COL24A1: variants seen among roughly 807,000 people sequenced by gnomAD.
The protein encoded by COL24A1 is collagen type XXIV alpha 1 chain, also known as collagen alpha-1(XXIV) chain.
In COL24A1, 224 loss-of-function variants were observed where a neutral mutation model predicts 253.9. That is an observed-to-expected ratio of 0.88 (90% CI 0.79 to 0.99). The LOEUF (loss-of-function observed/expected upper bound fraction) is 0.99, where lower values mean the gene tolerates loss of function less well. COL24A1 is among the 50% of genes least tolerant of loss of function. COL24A1 has a pLI of 0.00. For missense variants in COL24A1, 2,131 were observed against 2,068.5 expected (o/e 1.03, Z -0.59); for synonymous variants, 685 against 673.7 (o/e 1.02, Z -0.26).
chr1:86,118,738 C>T (rs1350614029), intron 3 of COL24A1, among the ~76,000 whole-genome samples: 1 of 152,018 alleles, frequency 6.6e-6, no homozygotes, highest in Non-Finnish European at 1.5e-5. Flanking sequence ...TCAGAGAAGG[C>T]TTTTCTGAAG....
intron 24 of COL24A1, among the ~76,000 whole-genome samples, chr1:85,953,859 A>G (rs1690172054): frequency 6.6e-6 from 1 of 152,190 alleles, no homozygotes; most frequent in Non-Finnish European, 1.5e-5. Flanking sequence ...CTTAAAAATC[A>G]GAGGTTATTA....
intron 47 of COL24A1, among the ~76,000 whole-genome samples, chr1:85,788,464 C>A (rs1052364222): frequency 6.6e-6 from 1 of 152,232 alleles, no homozygotes; most frequent in African/African-American, 2.4e-5. Context: ...CTGGATATTA[C>A]ACATTTGTCA....
rs1648213197 is a variant in COL24A1 at position 86,125,935 on chromosome 1, C to A, written c.401G>T (p.Gly134Val). The A allele has an allele frequency of 6.2e-7, 1 of 1,613,322 alleles. No homozygotes were observed. Among genetic ancestry groups the A allele is most frequent in the Non-Finnish European group, 8.5e-7 (1 of 1,179,728 alleles). The change falls in exon 3 of 60, where the codon GGA becomes GTA. Residue 134 changes from glycine to valine, a missense_variant. Coordinates refer to ENST00000370571, the MANE Select transcript of COL24A1 (RefSeq NM_152890.7). ...SIRNKNRLQL[G>V]VQLLPKKLVV... ...TAATTTTTTAGGTAGTAATTGTACTCCTAATTGCAGTCTATTTTTATTTCT... is the reference window on the plus strand; with the variant it reads ...TAATTTTTTAGGTAGTAATTGTACTACTAATTGCAGTCTATTTTTATTTCT...
chr1:85,856,664 C>T (rs1678471591), intron 37 of COL24A1, among the ~76,000 whole-genome samples: 1 of 152,122 alleles, frequency 6.6e-6, no homozygotes, highest in South Asian at 2.1e-4. Context: ...CCTCCTAACC[C>T]TAAACTGCTT....
chr1:85,889,636 T>C (rs1482955884), intron 31 of COL24A1, 23 bp from the exon 32 acceptor site: 6 of 1,608,434 alleles, frequency 3.7e-6, no homozygotes, highest in Non-Finnish European at 4.3e-6. Context: ...AGGCAATACT[T>C]GTAGGAAAAG....
intron 53 of COL24A1, among the ~76,000 whole-genome samples, chr1:85,770,478 G>A (rs897082048): frequency 2.0e-5 from 3 of 151,418 alleles, no homozygotes; most frequent in Non-Finnish European, 4.4e-5. Context: ...GTTTGGCATG[G>A]ATCACATGCT....
At chr1:85,877,656 C>T (rs778593989) in intron 32 of COL24A1, among the ~76,000 whole-genome samples, 1 of 152,122 alleles carries the variant, frequency 6.6e-6, no homozygotes, top group Non-Finnish European at 1.5e-5. Flanking sequence ...AGCCACTGCG[C>T]CCAGCTTCAT....
chr1:85,939,283 G>A (rs1364358106), intron 24 of COL24A1, among the ~76,000 whole-genome samples: 1 of 152,144 alleles, frequency 6.6e-6, no homozygotes, highest in Non-Finnish European at 1.5e-5. Flanking sequence ...TTTATTCAAT[G>A]TTCACTTATG....
rs865927196 is a variant in COL24A1, at chr1:85,787,166, C to A, written c.3952-705G>T. Among the ~76,000 whole-genome samples the A allele has an allele frequency of 2.6e-5, 4 of 151,142 alleles. No individual in the cohort carries two copies. The East Asian group carries it at 7.7e-4, about 29-fold the overall frequency. ...ATTGTTTAGGGCTGCATTTGCACAA[C>A]AATAGCAGAGCTGAGTAGTTATGGC... On this transcript the variant is annotated intron_variant, in intron 47 of 59. Transcript: ENST00000370571.
chr1:86,115,330 G>A lies in COL24A1; in HGVS notation c.1540C>T (p.Pro514Ser). ...GIPGPSGKRG[P>S]RGIPGPHGNP... ...AATATAGCCCATCTACTTACCCGTG[G>A]ACCTCTCTTCCCTGACGGACCTGGG... Residue 514 changes from proline to serine, a missense_variant, in exon 4 of 60, where the codon CCA becomes TCA. Pro to Ser is a moderately conservative substitution (Grantham distance 74, BLOSUM62 -1). Coordinates refer to ENST00000370571, the MANE Select transcript of COL24A1 (RefSeq NM_152890.7). 1 of 1,613,866 alleles carries A rather than the reference G, an allele frequency of 6.2e-7. No individual in the cohort carries two copies. The highest frequency in any genetic ancestry group is 1.3e-5 in the African/African-American group (1 of 75,050).
At position 86,075,443 on chromosome 1, in the gene COL24A1, T is replaced by C. The variant is rs144964174; in HGVS notation, c.1708-11684A>G. On this transcript the variant is annotated intron_variant, in intron 7 of 59. Coordinates refer to ENST00000370571, the MANE Select transcript of COL24A1 (RefSeq NM_152890.7). ...AAAAGCCCAGGACCAGATGAATTCA[T>C]AGCCGAATTGTAACAGAGGTACAAA... Among the ~76,000 whole-genome samples, 115 of 152,076 alleles carry C rather than the reference T, an allele frequency of 7.6e-4. 2 individuals are homozygous for C. The East Asian group carries it at 0.019, about 25-fold the overall frequency.
chr1:85,877,404 C>T (rs1467581622), intron 32 of COL24A1, among the ~76,000 whole-genome samples: 1 of 152,088 alleles, frequency 6.6e-6, no homozygotes, highest in Non-Finnish European at 1.5e-5. Flanking sequence ...CTCTGGTTGC[C>T]CAGGCTGAAG....
At chr1:85,925,622 G>A (rs543088986) in intron 24 of COL24A1, among the ~76,000 whole-genome samples, 137 of 152,314 alleles carry the variant, frequency 9.0e-4, no homozygotes, top group African/African-American at 3.2e-3. Flanking sequence ...CTAGCCATAT[G>A]TAGAAAGCTG....
At chr1:86,032,019 A>T (rs949940732) in intron 13 of COL24A1, 97 bp from the exon 14 acceptor site, 3 of 913,014 alleles carry the variant, frequency 3.3e-6, no homozygotes, top group Non-Finnish European at 5.1e-6. Flanking sequence ...CTAAGAATAC[A>T]TCAAAATGTA....
chr1:85,775,597 C>G (rs1008377507), intron 53 of COL24A1, 77 bp downstream of exon 53: 4 of 1,215,438 alleles, frequency 3.3e-6, no homozygotes, highest in Non-Finnish European at 4.7e-6. Flanking sequence ...ATGGATAACT[C>G]TAACAGGGTC....
intron 20 of COL24A1, among the ~76,000 whole-genome samples, chr1:85,985,573 C>A (rs967697588): frequency 1.2e-4 from 18 of 151,680 alleles, no homozygotes; most frequent in African/African-American, 1.9e-4. Context: ...GGAAGAAATG[C>A]CAGATTGGAG....
At chr1:85,983,338 CA>C (rs1411487166) in intron 20 of COL24A1, among the ~76,000 whole-genome samples, 2 of 151,834 alleles carry the variant, frequency 1.3e-5, no homozygotes, top group Non-Finnish European at 2.9e-5. Flanking sequence ...GTGTAGTTCT[CA>C]AAAAGGCTTA....
At chr1:85,941,464 T>G (rs1223803735) in intron 24 of COL24A1, among the ~76,000 whole-genome samples, 1 of 152,290 alleles carries the variant, frequency 6.6e-6, no homozygotes, top group Admixed American at 6.5e-5. Context: ...AATTTGGGTT[T>G]CACCTTCCTA....
chr1:86,073,820 A>C (rs1357680533), intron 7 of COL24A1, among the ~76,000 whole-genome samples: 1 of 152,230 alleles, frequency 6.6e-6, no homozygotes, highest in Non-Finnish European at 1.5e-5. Context: ...AATATTCAGC[A>C]TGCTTAAAGA....
Sources: allele counts gnomAD v4.1 joint callset (sites outside exome capture counted in the v4.1 genomes callset), GRCh38; gene constraint gnomAD v4.1.1; transcripts MANE v1.5; gene names NCBI Gene and HGNC (gene_info 2026-07-23, HGNC 2026-07-21).